The following GRIK2 variants were observed in gnomAD, a reference collection of about 807,000 sequenced individuals.
GRIK2 encodes glutamate receptor ionotropic, kainate 2.
A neutral mutation model predicts 100.3 loss-of-function variants in GRIK2; 32 were observed. The ratio of observed to expected loss-of-function variants is 0.32; its 90% confidence interval spans 0.24 to 0.43. The LOEUF (loss-of-function observed/expected upper bound fraction) is 0.43, where lower values mean the gene tolerates loss of function less well. Ranked by LOEUF, GRIK2 falls within the 20% of genes least tolerant of loss-of-function variation. The pLI, the probability that GRIK2 is intolerant of heterozygous loss-of-function variation, is 1.00. For synonymous variants in GRIK2, 417 were observed against 389.4 expected, an observed-to-expected ratio of 1.07 and a Z score of -0.83; for missense variants, 843 against 1,114.9, an observed-to-expected ratio of 0.76 and a Z score of 3.47.
intron 2 of GRIK2, among the ~76,000 whole-genome samples, chr6:101,592,623 A>ATATATATATATATG (rs1778722972): frequency 8.2e-6 from 1 of 121,930 alleles, no homozygotes; most frequent in Non-Finnish European, 1.7e-5. Context: ...ATATATATAT[A>ATATATATATATATG]TTGCTTTTTC....
intron 2 of GRIK2, among the ~76,000 whole-genome samples, chr6:101,614,310 T>G (rs964917774): frequency 2.0e-5 from 3 of 151,766 alleles, no homozygotes; most frequent in African/African-American, 7.2e-5. Flanking sequence ...ACTTTTATTT[T>G]GAATTTTTAA....
chr6:101,862,710 C>T (rs1429745259), intron 11 of GRIK2, among the ~76,000 whole-genome samples: 1 of 152,026 alleles, frequency 6.6e-6, no homozygotes, highest in East Asian at 1.9e-4. Flanking sequence ...TCGACATGAG[C>T]CACTGTGCCT....
intron 2 of GRIK2, among the ~76,000 whole-genome samples, chr6:101,551,735 C>T (rs759798530): frequency 3.9e-4 from 60 of 152,118 alleles, no homozygotes; most frequent in African/African-American, 1.3e-3. Flanking sequence ...TACTTCCTCC[C>T]GAGCATTATC....
chr6:101,788,025 C>T (rs1779552338), intron 7 of GRIK2, among the ~76,000 whole-genome samples: 1 of 151,968 alleles, frequency 6.6e-6, no homozygotes, highest in Non-Finnish European at 1.5e-5. Flanking sequence ...CTGAATTGAT[C>T]CCTTTGTCAT....
chr6:101,647,337 C>A (rs1345983715), intron 4 of GRIK2, among the ~76,000 whole-genome samples: 1 of 151,960 alleles, frequency 6.6e-6, no homozygotes, highest in African/African-American at 2.4e-5. Context: ...CAAGACAGAG[C>A]TCCACTGTAG....
At chr6:101,969,631 A>G (rs1792912284) in intron 14 of GRIK2, among the ~76,000 whole-genome samples, 4 of 152,078 alleles carry the variant, frequency 2.6e-5, no homozygotes, top group Non-Finnish European at 5.9e-5. Flanking sequence ...TTGTTCACTA[A>G]TGGAATTATT....
At chr6:101,655,794 G>C (rs937088688) in intron 4 of GRIK2, among the ~76,000 whole-genome samples, 2 of 152,252 alleles carry the variant, frequency 1.3e-5, no homozygotes, top group Middle Eastern at 3.4e-3. Flanking sequence ...ATGTGCATGG[G>C]AAGGGGTGCT....
At chr6:101,448,649 G>A (rs527954575) in intron 2 of GRIK2, among the ~76,000 whole-genome samples, 50 of 151,652 alleles carry the variant, frequency 3.3e-4, no homozygotes, top group African/African-American at 1.1e-3. Context: ...TTTGAAGCAT[G>A]AGAATGAAAG....
rs77652946 is a variant in GRIK2 at position 101,396,264 on chromosome 6, G to C, written c.-294+2427G>C. On this transcript the variant is annotated intron_variant, in intron 1 of 16. Transcript: ENST00000369134. ...CATTCCCCCCCCCCCCAGGAAGTGA[G>C]TGAGTTTAATGTGAAAGAACAAGAA... 1.8e-3 allele frequency among the ~76,000 whole-genome samples: 271 copies of C among 149,260 alleles called. 2 individuals are homozygous for C. Among genetic ancestry groups the C allele is most frequent in the Non-Finnish European group, 8.0e-4 (54 of 67,550 alleles).
In GRIK2 at chr6:102,068,794, T is replaced by C. The variant is rs190323458; in HGVS notation, c.*283T>C. The stretch of plus-strand genomic sequence containing the variant: ...TGCGCATTTTGTGGCTGATTTCAAA[T>C]GCAGTCCAGTGAGAAATTACAGGTT... On this transcript the variant is annotated 3_prime_UTR_variant, in exon 17 of 17. Transcript: ENST00000369134. 4.3e-6 allele frequency: 1 copy of C among 231,590 alleles called. No individual in the cohort carries two copies. The highest frequency in any genetic ancestry group is 8.5e-6 in the Non-Finnish European group (1 of 118,318). The allele number at this position is 231,590 out of a possible 1,614,324, so 14.3% of individuals were successfully genotyped here. A position where few individuals can be genotyped will look rare whatever the true frequency, so the allele number is the denominator to read the frequency against.
intron 2 of GRIK2, among the ~76,000 whole-genome samples, chr6:101,614,323 A>T (rs1313143426): frequency 6.6e-6 from 1 of 151,756 alleles, no homozygotes; most frequent in Non-Finnish European, 1.5e-5. Flanking sequence ...ATTTTTAAAC[A>T]TACAGAAAAG....
At chr6:102,058,474 A>G (rs9498829) in intron 16 of GRIK2, among the ~76,000 whole-genome samples, 3,785 of 151,858 alleles carry the variant, frequency 0.025, 156 homozygotes, top group African/African-American at 0.087. Flanking sequence ...AATTCAAAAT[A>G]GTAAATTAAA....
intron 7 of GRIK2, among the ~76,000 whole-genome samples, chr6:101,702,365 C>T (rs1772960045): frequency 6.6e-6 from 1 of 151,920 alleles, no homozygotes; most frequent in Non-Finnish European, 1.5e-5. Context: ...TTTAGGAATA[C>T]ATTTACAGTT....
chr6:101,542,867 C>A (rs896648100), intron 2 of GRIK2, among the ~76,000 whole-genome samples: 6 of 151,946 alleles, frequency 3.9e-5, no homozygotes, highest in Non-Finnish European at 8.8e-5. Flanking sequence ...TGAATGTCAT[C>A]AAAGGCTATT....
chr6:101,939,959 GA>G lies in GRIK2; in HGVS notation c.2085+11330del, dbSNP rs1582578791. On this transcript the variant is annotated intron_variant, in intron 14 of 16. Coordinates refer to ENST00000369134, the MANE Select transcript of GRIK2 (RefSeq NM_021956.5). ...TTTTAACAATTAGGGAGGTGTTTCA[GA>G]AAGGATGCCCCCAATTTGGTGGTGA... Among the ~76,000 whole-genome samples, 8 of 152,190 alleles carry G rather than the reference GA, an allele frequency of 5.3e-5. No individual in the cohort carries two copies. The East Asian group carries it at 1.5e-3, about 29-fold the overall frequency.
intron 9 of GRIK2, among the ~76,000 whole-genome samples, chr6:101,810,626 T>G (rs1562405712): frequency 6.6e-6 from 1 of 152,102 alleles, no homozygotes; most frequent in Non-Finnish European, 1.5e-5. Context: ...AATATTTCTT[T>G]TTGTTTTCTA....
chr6:101,823,602 G>T (rs1782104339), intron 10 of GRIK2, among the ~76,000 whole-genome samples: 1 of 151,968 alleles, frequency 6.6e-6, no homozygotes, highest in Non-Finnish European at 1.5e-5. Flanking sequence ...CATTTATGAT[G>T]ATTTTATTTA....
intron 2 of GRIK2, among the ~76,000 whole-genome samples, chr6:101,574,559 G>A (rs889366334): frequency 4.6e-5 from 7 of 151,084 alleles, no homozygotes; most frequent in Admixed American, 4.0e-4. Context: ...AAAAATTGAC[G>A]AATTGTAATG....
intron 2 of GRIK2, among the ~76,000 whole-genome samples, chr6:101,454,478 C>A (rs1251506427): frequency 2.6e-5 from 4 of 152,126 alleles, no homozygotes; most frequent in Non-Finnish European, 4.4e-5. Context: ...GGGGAAGAAC[C>A]CATTAAGCCA....
Sources: gnomAD v4.1 joint callset for allele counts (sites outside exome capture counted in the v4.1 genomes callset) on GRCh38, gnomAD v4.1.1 for gene constraint, MANE v1.5 for transcripts, NCBI Gene and HGNC (gene_info 2026-07-23, HGNC 2026-07-21) for gene names.